TBC1D5: variants seen among roughly 807,000 people sequenced by gnomAD.
TBC1D5 encodes the protein TBC1 domain family, member 5.
A neutral mutation model predicts 100.3 loss-of-function variants in TBC1D5; 75 were observed. The observed-to-expected ratio is 0.75, with a 90% CI of 0.62 to 0.91. The LOEUF is 0.91. TBC1D5 is among the 40% of genes least tolerant of loss of function. TBC1D5 has a pLI of 0.00. For missense variants in TBC1D5, 910 were observed against 942.4 expected (o/e 0.97, Z 0.45); for synonymous variants, 323 against 325.6 (o/e 0.99, Z 0.09).
chr3:17,716,509 C>T (rs2075253809), intron 1 of TBC1D5, among the ~76,000 whole-genome samples: 1 of 151,926 alleles, frequency 6.6e-6, no homozygotes, highest in Non-Finnish European at 1.5e-5. Flanking sequence ...AAATTCAGTC[C>T]TTTTTCAAGA....
At chr3:17,330,709 T>C (rs1318865104) in intron 13 of TBC1D5, among the ~76,000 whole-genome samples, 2 of 152,148 alleles carry the variant, frequency 1.3e-5, no homozygotes, top group Non-Finnish European at 2.9e-5. Context: ...AAATTAGATA[T>C]ATTCCCTGTG....
intron 16 of TBC1D5, among the ~76,000 whole-genome samples, chr3:17,255,488 C>A (rs753472471): frequency 2.0e-5 from 3 of 152,140 alleles, no homozygotes; most frequent in Non-Finnish European, 4.4e-5. Context: ...GTGTGAGCCA[C>A]CGCACCCGGC....
At chr3:17,312,801 C>T (rs2084195427) in intron 13 of TBC1D5, among the ~76,000 whole-genome samples, 1 of 152,128 alleles carries the variant, frequency 6.6e-6, no homozygotes, top group Admixed American at 6.6e-5. Flanking sequence ...CATGCCTTTG[C>T]AAAAATAGTC....
intron 17 of TBC1D5, among the ~76,000 whole-genome samples, chr3:17,218,438 A>C (rs183720446): frequency 1.3e-5 from 2 of 152,160 alleles, no homozygotes; most frequent in East Asian, 3.9e-4. Context: ...TAACAATACA[A>C]GATTTATGAA....
intron 1 of TBC1D5, among the ~76,000 whole-genome samples, chr3:17,658,409 C>G (rs541326415): frequency 1.2e-4 from 19 of 152,206 alleles, no homozygotes; most frequent in African/African-American, 4.1e-4. Flanking sequence ...TACAGTTGCT[C>G]TTAGTTAACA....
At chr3:17,585,570 G>T (rs1429721943) in intron 2 of TBC1D5, among the ~76,000 whole-genome samples, 1 of 152,110 alleles carries the variant, frequency 6.6e-6, no homozygotes, top group Non-Finnish European at 1.5e-5. Context: ...GGAAAGAAAT[G>T]AGAAGCACAG....
intron 1 of TBC1D5, among the ~76,000 whole-genome samples, chr3:17,669,117 C>G (rs1308698315): frequency 6.6e-6 from 1 of 152,132 alleles, no homozygotes; most frequent in Non-Finnish European, 1.5e-5. Flanking sequence ...TCATACTGTT[C>G]TCATGATAGT....
chr3:17,724,253 C>T (rs945049588), intron 1 of TBC1D5, among the ~76,000 whole-genome samples: 1 of 151,908 alleles, frequency 6.6e-6, no homozygotes, highest in Non-Finnish European at 1.5e-5. Flanking sequence ...CCACCATGCT[C>T]GTCTAATTTT....
chr3:17,553,316 G>C (rs2096488966), intron 2 of TBC1D5, among the ~76,000 whole-genome samples: 1 of 152,030 alleles, frequency 6.6e-6, no homozygotes, highest in African/African-American at 2.4e-5. Context: ...TTTTTTACTT[G>C]TTACACTGGC....
intron 3 of TBC1D5, among the ~76,000 whole-genome samples, chr3:17,479,305 AG>A (rs2095473730): frequency 6.6e-6 from 1 of 152,196 alleles, no homozygotes; most frequent in African/African-American, 2.4e-5. Flanking sequence ...CCAGAGACTG[AG>A]AAAAGAAGAT....
At chr3:17,354,051 A>C (rs1671297810) in intron 13 of TBC1D5, among the ~76,000 whole-genome samples, 2 of 152,118 alleles carry the variant, frequency 1.3e-5, no homozygotes, top group Non-Finnish European at 1.5e-5. Flanking sequence ...TGTACATAAA[A>C]AAAGACACGG....
At chr3:17,351,457 T>C (rs998850484) in intron 13 of TBC1D5, among the ~76,000 whole-genome samples, 1 of 152,148 alleles carries the variant, frequency 6.6e-6, no homozygotes, top group African/African-American at 2.4e-5. Context: ...GAAACCATCA[T>C]TCTCAGCAAA....
intron 8 of TBC1D5, among the ~76,000 whole-genome samples, chr3:17,385,383 C>A (rs1424028551): frequency 1.3e-5 from 2 of 151,976 alleles, no homozygotes; most frequent in Admixed American, 1.3e-4. Context: ...AGAAACATTC[C>A]TTAATGAGTC....
At chr3:17,480,802 C>T (rs1057214379) in intron 3 of TBC1D5, among the ~76,000 whole-genome samples, 3 of 152,188 alleles carry the variant, frequency 2.0e-5, no homozygotes, top group African/African-American at 7.2e-5. Flanking sequence ...GCTACCCACT[C>T]AGGTCTCCCG....
chr3:17,431,355 CTCTT>C (rs1471205948), intron 3 of TBC1D5, among the ~76,000 whole-genome samples: 1 of 151,938 alleles, frequency 6.6e-6, no homozygotes, highest in Non-Finnish European at 1.5e-5. Flanking sequence ...AATAGGCTTC[CTCTT>C]ACCTGAAAAT....
intron 1 of TBC1D5, among the ~76,000 whole-genome samples, chr3:17,737,242 G>C (rs1284475004): frequency 2.0e-5 from 3 of 152,052 alleles, no homozygotes; most frequent in Non-Finnish European, 1.5e-5. Context: ...TAGTTATTCT[G>C]AAGACTCACA....
exon 1 of TBC1D5, chr3:17,740,229 G>A (rs997132072): frequency 6.6e-6 from 1 of 151,994 alleles, no homozygotes; most frequent in African/African-American, 2.4e-5. Flanking sequence ...CTGGGAGGCT[G>A]AGGCAGGAGA....
chr3:17,366,714 A>T (rs1158226901), intron 13 of TBC1D5, among the ~76,000 whole-genome samples: 1 of 152,142 alleles, frequency 6.6e-6, no homozygotes, highest in Non-Finnish European at 1.5e-5. Flanking sequence ...CTGATGACTG[A>T]GAGTTACTTT....
At chr3:17,226,181 A>G (rs1465680686) in intron 17 of TBC1D5, among the ~76,000 whole-genome samples, 2 of 150,676 alleles carry the variant, frequency 1.3e-5, no homozygotes, top group Non-Finnish European at 3.0e-5. Context: ...ACATTTGTAT[A>G]GCACACTGGG....
Sources: gnomAD v4.1 joint callset for allele counts (sites outside exome capture counted in the v4.1 genomes callset) on GRCh38, gnomAD v4.1.1 for gene constraint, MANE v1.5 for transcripts, NCBI Gene and HGNC (gene_info 2026-07-23, HGNC 2026-07-21) for gene names.